DMD: variants seen among roughly 807,000 people sequenced by gnomAD.
DMD encodes mutant dystrophin.
DMD carries 63 observed loss-of-function variants against 330.1 expected under a neutral mutation model. The observed-to-expected ratio is 0.19, with a 90% CI of 0.16 to 0.24. The LOEUF is 0.24. DMD is among the 10% of genes least tolerant of loss of function. The pLI is 1.00. For synonymous variants in DMD, 1,223 were observed against 959.8 expected, an observed-to-expected ratio of 1.27 and a Z score of -5.07; for missense variants, 3,344 against 2,684.1, an observed-to-expected ratio of 1.25 and a Z score of -5.43.
chrX:31,245,520 C>T (rs971355064), intron 63 of DMD, among the ~76,000 whole-genome samples: 2 of 111,957 alleles, frequency 1.8e-5, no homozygotes, highest in African/African-American at 6.5e-5. Context: ...CTGTATTGCA[C>T]TTTGTGAAAA....
At chrX:32,309,905 C>T (rs1248675904) in intron 42 of DMD, among the ~76,000 whole-genome samples, 177 bp downstream of exon 42, 1 of 111,090 alleles carries the variant, frequency 9.0e-6, no homozygotes, top group Non-Finnish European at 1.9e-5. Context: ...CATTTTCTAA[C>T]TTATGTCTTT....
chrX:32,092,698 C>T (rs778695065), intron 44 of DMD, among the ~76,000 whole-genome samples: 1 of 89,359 alleles, frequency 1.1e-5, no homozygotes, highest in Non-Finnish European at 2.2e-5. Flanking sequence ...TATACTTCCT[C>T]AAAAATGTTC....
At chrX:32,090,345 A>C (rs1334230053) in intron 44 of DMD, among the ~76,000 whole-genome samples, 1 of 112,102 alleles carries the variant, frequency 8.9e-6, no homozygotes, top group Non-Finnish European at 1.9e-5. Context: ...TGAAAGACAT[A>C]TTTAAATCCC....
intron 57 of DMD, among the ~76,000 whole-genome samples, chrX:31,491,987 C>T (rs1257395675): frequency 9.0e-6 from 1 of 111,686 alleles, no homozygotes; most frequent in Non-Finnish European, 1.9e-5. Context: ...GGATTTGTAT[C>T]CCCATAAAAA....
At chrX:32,179,123 G>A (rs997523837) in intron 44 of DMD, among the ~76,000 whole-genome samples, 2 of 110,094 alleles carry the variant, frequency 1.8e-5, no homozygotes, top group African/African-American at 6.6e-5. Flanking sequence ...ATTTTTAGCT[G>A]TGTTCATTTA....
chrX:32,130,809 T>C (rs1569545684), intron 44 of DMD, among the ~76,000 whole-genome samples: 1 of 112,359 alleles, frequency 8.9e-6, no homozygotes, highest in Non-Finnish European at 1.9e-5. Flanking sequence ...TGTCTGGTGT[T>C]ATGTCTCAAC....
Position 31,227,641 on chromosome X carries a change from T to G in DMD, c.9287-4520A>C, listed in dbSNP as rs376183964. On this transcript the variant is annotated intron_variant, in intron 63 of 78. Coordinates refer to ENST00000357033, the MANE Select transcript of DMD (RefSeq NM_004006.3). ...GTTTTTTCCAATTCTGTGAAGAAAGTCATTGGTAGCTTGATGGGGATGGCA... is the reference window on the plus strand; with the variant it reads ...GTTTTTTCCAATTCTGTGAAGAAAGGCATTGGTAGCTTGATGGGGATGGCA... 1.3e-4 allele frequency among the ~76,000 whole-genome samples: 14 copies of G among 111,121 alleles called. No individual in the cohort carries two copies. In the East Asian group the frequency reaches 3.1e-3, roughly 25 times the overall value.
intron 1 of DMD, among the ~76,000 whole-genome samples, chrX:33,155,284 C>T (rs1283487706): frequency 9.1e-6 from 1 of 110,178 alleles, no homozygotes; most frequent in Non-Finnish European, 1.9e-5. Flanking sequence ...ATCATTGTTG[C>T]AGCTTAGACA....
rs2032547378 is a variant in DMD at position 31,121,522 on chromosome X, A to G, written c.*397T>C. On this transcript the variant is annotated 3_prime_UTR_variant, in exon 79 of 79. Transcript: ENST00000357033. ...TTTATAAAGCACACTTTAGTTTACA[A>G]TCTTTCTTTATAACTGTTATAAATT... The G allele has an allele frequency of 9.7e-6, 2 of 206,148 alleles. No individual in the cohort carries two copies. The highest frequency in any genetic ancestry group is 2.3e-4 in the East Asian group (2 of 8,828). The allele number at this position is 206,148 out of a possible 1,213,427, so 17.0% of individuals were successfully genotyped here. A position where few individuals can be genotyped will look rare whatever the true frequency, so the allele number is the denominator to read the frequency against.
At chrX:31,357,024 A>G (rs1369577831) in intron 60 of DMD, among the ~76,000 whole-genome samples, 1 of 109,833 alleles carries the variant, frequency 9.1e-6, no homozygotes, top group Non-Finnish European at 1.9e-5. Flanking sequence ...TATCTTAAAA[A>G]ATAGGTTCCC....
intron 47 of DMD, among the ~76,000 whole-genome samples, chrX:31,883,885 GA>G (rs35245909): frequency 0.23 from 23,592 of 103,588 alleles, 2,436 homozygotes; most frequent in East Asian, 0.51. Context: ...ACAAGCATAT[GA>G]AAAAAAAAAA....
At chrX:31,286,933 G>A (rs1255618132) in intron 62 of DMD, among the ~76,000 whole-genome samples, 3 of 111,938 alleles carry the variant, frequency 2.7e-5, no homozygotes, top group African/African-American at 9.8e-5. Flanking sequence ...GCCCGGCTAA[G>A]TTTTGTATTT....
rs181306729 is a variant in DMD, at chrX:31,705,728, A to T, written c.7660+23903T>A. Among the ~76,000 whole-genome samples, 827 of 112,317 alleles carry T rather than the reference A, an allele frequency of 7.4e-3. 11 individuals are homozygous for T. The highest frequency in any genetic ancestry group is 0.025 in the African/African-American group (785 of 30,927). On this transcript the variant is annotated intron_variant, in intron 52 of 78. Coordinates refer to ENST00000357033, the MANE Select transcript of DMD (RefSeq NM_004006.3). The stretch of plus-strand genomic sequence containing the variant: ...TGTTGGAAATCAACACGGACCCACA[A>T]TTTCTTGTTGAATGTGGAATTATAA...
chrX:33,001,844 A>G (rs958355614), intron 2 of DMD, among the ~76,000 whole-genome samples: 2 of 111,264 alleles, frequency 1.8e-5, no homozygotes, highest in Non-Finnish European at 1.9e-5. Context: ...GTTTCTCTTC[A>G]TTATCTTACT....
chrX:32,843,311 T>A (rs1400882877), intron 4 of DMD, among the ~76,000 whole-genome samples: 4 of 112,465 alleles, frequency 3.6e-5, no homozygotes, highest in African/African-American at 1.3e-4. Context: ...TGTGTAACTT[T>A]AATATTGTTA....
intron 1 of DMD, among the ~76,000 whole-genome samples, chrX:33,177,776 C>T (rs2049754768): frequency 8.9e-6 from 1 of 112,233 alleles, no homozygotes; most frequent in African/African-American, 3.2e-5. Flanking sequence ...TAACTACAGG[C>T]ACACTGTTGT....
At chrX:31,893,494 T>C (rs2094288044) in intron 47 of DMD, among the ~76,000 whole-genome samples, 1 of 110,343 alleles carries the variant, frequency 9.1e-6, no homozygotes, top group Admixed American at 9.7e-5. Flanking sequence ...CTATTTTTCA[T>C]TAACTTCTGG....
At chrX:32,761,417 T>C (rs769294219) in intron 7 of DMD, among the ~76,000 whole-genome samples, 1 of 112,083 alleles carries the variant, frequency 8.9e-6, no homozygotes. Context: ...TCATTACTAT[T>C]TTCACAGCTT....
chrX:31,304,026 A>G (rs1439034415), intron 62 of DMD, among the ~76,000 whole-genome samples: 3 of 112,448 alleles, frequency 2.7e-5, no homozygotes, highest in Non-Finnish European at 5.6e-5. Context: ...CTTTAGATAA[A>G]TGTTTTTCTT....
Sources: gnomAD v4.1 joint callset for allele counts (sites outside exome capture counted in the v4.1 genomes callset) on GRCh38, gnomAD v4.1.1 for gene constraint, MANE v1.5 for transcripts, NCBI Gene and HGNC (gene_info 2026-07-23, HGNC 2026-07-21) for gene names.